MTNAP1: variants seen among roughly 807,000 people sequenced by gnomAD.
MTNAP1 encodes mitochondrial nucleoid associated protein 1.
At chr17:73,246,638 C>T in the MTNAP1 span, among the ~76,000 whole-genome samples, 2 of 152,188 alleles carry the variant, frequency 1.3e-5, no homozygotes, top group East Asian at 3.9e-4. Context: ...CTACTTTTTA[C>T]CTACCTTTTC....
the MTNAP1 span, chr17:73,236,400 G>A: frequency 1.1e-5 from 18 of 1,613,978 alleles, 1 homozygote; most frequent in Middle Eastern, 1.6e-4. Context: ...GAGTAGAGAC[G>A]TGTGGGAGCA....
chr17:73,236,493 C>G, the MTNAP1 span: 17 of 1,614,148 alleles, frequency 1.1e-5, no homozygotes, highest in South Asian at 1.9e-4. Flanking sequence ...ACTTCAACAC[C>G]AGGGATTCAG....
the MTNAP1 span, chr17:73,245,607 C>A: frequency 1.0e-6 from 1 of 985,356 alleles, no homozygotes; most frequent in Non-Finnish European, 1.2e-6. Context: ...AGGAAAGTAT[C>A]TGAATTGGCA....
At chr17:73,246,468 G>A in the MTNAP1 span, among the ~76,000 whole-genome samples, 6 of 152,268 alleles carry the variant, frequency 3.9e-5, no homozygotes, top group African/African-American at 9.6e-5. Flanking sequence ...CCCAGGAGGC[G>A]GAGGCTGCAG....
At chr17:73,236,462 T>A in the MTNAP1 span, 3 of 1,614,150 alleles carry the variant, frequency 1.9e-6, no homozygotes, top group Non-Finnish European at 2.5e-6. Flanking sequence ...GAACGGACTG[T>A]CATGAGCCAT....
chr17:73,236,143 C>A, the MTNAP1 span: 1 of 1,614,114 alleles, frequency 6.2e-7, no homozygotes, highest in Non-Finnish European at 8.5e-7. Context: ...AGTAAAATTA[C>A]TAGATGTGCC....
At chr17:73,234,799 A>C in the MTNAP1 span, among the ~76,000 whole-genome samples, 1 of 58,802 alleles carries the variant, frequency 1.7e-5, no homozygotes, top group African/African-American at 4.5e-5. Context: ...GTGTATATGC[A>C]TATTACTAAA....
the MTNAP1 span, chr17:73,245,738 A>G: frequency 1.0e-6 from 1 of 984,456 alleles, no homozygotes; most frequent in African/African-American, 1.7e-5. Flanking sequence ...TAAGCCTCCG[A>G]AAAAAAGCTT....
chr17:73,235,588 C>A, the MTNAP1 span: 1 of 1,614,164 alleles, frequency 6.2e-7, no homozygotes, highest in Admixed American at 1.7e-5. Context: ...ACCAACCATA[C>A]CTACTGATCA....
the MTNAP1 span, chr17:73,245,067 A>G: frequency 8.8e-7 from 1 of 1,139,256 alleles, no homozygotes; most frequent in Non-Finnish European, 1.3e-6. Context: ...CTATTTCTAA[A>G]CTTATAAAAC....
the MTNAP1 span, chr17:73,245,445 T>C: frequency 3.4e-6 from 4 of 1,162,080 alleles, no homozygotes; most frequent in South Asian, 1.4e-4. Flanking sequence ...AGAGAAAAAC[T>C]AGTTTTGTTT....
the MTNAP1 span, chr17:73,245,458 C>T: frequency 1.8e-4 from 204 of 1,137,052 alleles, 1 homozygote; most frequent in African/African-American, 3.1e-3. Context: ...TTTTGTTTAA[C>T]CATAAAGTTG....
the MTNAP1 span, chr17:73,242,174 C>A: frequency 9.8e-7 from 1 of 1,015,970 alleles, no homozygotes; most frequent in Non-Finnish European, 1.5e-6. Flanking sequence ...GTGGATCCTT[C>A]GGCACTGGAT....
the MTNAP1 span, among the ~76,000 whole-genome samples, chr17:73,234,681 CAAAAAA>C: frequency 4.1e-5 from 4 of 98,022 alleles, no homozygotes; most frequent in African/African-American, 1.2e-4. Context: ...GACTCTGTCT[CAAAAAA>C]AAAAAAAAAA....
At chr17:73,236,589 G>T in the MTNAP1 span, 1 of 1,614,152 alleles carries the variant, frequency 6.2e-7, no homozygotes, top group South Asian at 1.1e-5. Flanking sequence ...ATTCTGTATC[G>T]CAGTCAAGTA....
At chr17:73,237,121 T>A in the MTNAP1 span, 1 of 961,364 alleles carries the variant, frequency 1.0e-6, no homozygotes, top group Non-Finnish European at 1.5e-6. Context: ...GGCATGCCAG[T>A]AGACTGCATA....
At chr17:73,242,911 A>C in the MTNAP1 span, 19 of 1,613,752 alleles carry the variant, frequency 1.2e-5, no homozygotes, top group African/African-American at 1.1e-4. Context: ...ATCAGGTGCA[A>C]CACCACCATA....
At chr17:73,241,449 C>T in the MTNAP1 span, among the ~76,000 whole-genome samples, 15 of 152,198 alleles carry the variant, frequency 9.9e-5, no homozygotes, top group South Asian at 6.2e-4. Context: ...TGAGCCACCG[C>T]GCCCGGCCTG....
At chr17:73,239,388 C>T in the MTNAP1 span, among the ~76,000 whole-genome samples, 10 of 152,272 alleles carry the variant, frequency 6.6e-5, no homozygotes, top group East Asian at 1.7e-3. Flanking sequence ...AGTGAGGGAC[C>T]TGACGTTTAT....
Sources: allele counts gnomAD v4.1 joint callset (sites outside exome capture counted in the v4.1 genomes callset), GRCh38; gene constraint gnomAD v4.1.1; transcripts MANE v1.5; gene names NCBI Gene and HGNC (gene_info 2026-07-23, HGNC 2026-07-21).